Variants in DSCAML1 observed in about 807,000 individuals in gnomAD.
DSCAML1 encodes the protein DS cell adhesion molecule like 1.
In DSCAML1, 38 loss-of-function variants were observed where a neutral mutation model predicts 200.5. The ratio of observed to expected loss-of-function variants is 0.19; its 90% CI spans 0.15 to 0.25. DSCAML1 has a LOEUF of 0.25. Among genes scored for constraint, DSCAML1 ranks in the 10% least tolerant of loss-of-function variants. The probability of loss-of-function intolerance (pLI) is 1.00; values close to 1 mark genes in which losing one functional copy is unlikely to be tolerated. For missense variants in DSCAML1, 2,223 were observed against 2,858.8 expected, an observed-to-expected ratio of 0.78 and a Z score of 5.07; for synonymous variants, 1,215 against 1,165.0, an observed-to-expected ratio of 1.04 and a Z score of -0.87.
Position 117,779,160 on chromosome 11 carries a change from A to G in DSCAML1, c.364+1333T>C, listed in dbSNP as rs551170607. On this transcript the variant is annotated intron_variant, in intron 2 of 32. Transcript: ENST00000651296. ...TGGCCCAACACAGTCCCTGGAAAAGATGGTGTGACCTAGGCCTGGCACCAT... is the reference window on the plus strand; with the variant it reads ...TGGCCCAACACAGTCCCTGGAAAAGGTGGTGTGACCTAGGCCTGGCACCAT... 2.2e-4 allele frequency among the ~76,000 whole-genome samples: 34 copies of G among 152,294 alleles called. No homozygotes were observed. In the South Asian group the frequency reaches 6.6e-3, roughly 30 times the overall value.
chr11:117,666,870 C>T (rs193103365), intron 3 of DSCAML1, among the ~76,000 whole-genome samples: 102 of 152,306 alleles, frequency 6.7e-4, no homozygotes, highest in African/African-American at 2.4e-3. Context: ...GAGTGCCTAG[C>T]AGATGCGTGG....
chr11:117,609,147 C>T (rs1565823811), intron 3 of DSCAML1, among the ~76,000 whole-genome samples: 2 of 151,478 alleles, frequency 1.3e-5, no homozygotes, highest in African/African-American at 4.9e-5. Flanking sequence ...TGCAGTGAGC[C>T]GAGATCGTGC....
At chr11:117,610,338 T>C (rs940431172) in intron 3 of DSCAML1, among the ~76,000 whole-genome samples, 1 of 152,174 alleles carries the variant, frequency 6.6e-6, no homozygotes, top group Non-Finnish European at 1.5e-5. Context: ...ACTGCCCCAT[T>C]GCAACTCCAC....
At chr11:117,800,145 G>C (rs1204962461), upstream of DSCAML1, among the ~76,000 whole-genome samples, 1 of 152,178 alleles carries the variant, frequency 6.6e-6, no homozygotes, top group African/African-American at 2.4e-5. Context: ...AGTATCTAGG[G>C]AAATGTCTTT....
chr11:117,480,518 T>G lies in DSCAML1; in HGVS notation c.2710A>C (p.Asn904His). 1 of 1,599,926 alleles carries G rather than the reference T, an allele frequency of 6.3e-7. No homozygotes were observed. The highest frequency in any genetic ancestry group is 8.5e-7 in the Non-Finnish European group (1 of 1,173,036). ...EIREVKARSM[N>H]LRWTQRFDGN... ...TCGAATCGCTGGGTCCAGCGCAGGT[T>G]CATGCTCCGGGCCTTCACCTCCCGG... The change falls in exon 14 of 33, where the codon AAC becomes CAC. Residue 904 changes from asparagine to histidine, a missense_variant. By Grantham distance (68) the Asn-to-His change is moderately conservative (BLOSUM62 1). Around this residue, in one of 7 missense-constraint regions of DSCAML1, gnomAD observed 438 missense variants for 629.7 expected, o/e 0.70. Coordinates refer to ENST00000651296, the MANE Select transcript of DSCAML1 (RefSeq NM_020693.4). This position sits in a 1 kb window ranked among gnomAD's most constrained non-coding sequence, Gnocchi z 4.1.
At chr11:117,808,826 C>T (rs1284325007) in intron 1 of DSCAML1, among the ~76,000 whole-genome samples, 2 of 152,216 alleles carry the variant, frequency 1.3e-5, no homozygotes, top group Non-Finnish European at 2.9e-5. Flanking sequence ...ATCCCTCACC[C>T]ACTTTACATG....
At position 117,742,875 on chromosome 11, in the gene DSCAML1, C is replaced by G. The variant is rs575358955; in HGVS notation, c.511+33916G>C. Among the ~76,000 whole-genome samples, 5 of 152,254 alleles carry G rather than the reference C, an allele frequency of 3.3e-5. No homozygotes were observed. The South Asian group carries it at 1.0e-3, about 32-fold the overall frequency. On this transcript the variant is annotated intron_variant, in intron 3 of 32. Coordinates refer to ENST00000651296, the MANE Select transcript of DSCAML1 (RefSeq NM_020693.4). The stretch of plus-strand genomic sequence containing the variant: ...ATCCAGCCTTGACATACCCAGAGAC[C>G]TATGTCAGGAAATGGCGATTAACAT...
rs1565814636 is a variant in DSCAML1, at chr11:117,595,102, C to CACTTACA, written c.512-62581_512-62580insTGTAAGT. ...CACACACACACACCCTTTGATATTTCCTTAAGACACTTCTCTGAAGAGATG... is the reference window on the plus strand; with the variant it reads ...CACACACACACACCCTTTGATATTTCACTTACACTTAAGACACTTCTCTGAAGAGATG... On this transcript the variant is annotated intron_variant, in intron 3 of 32. Transcript: ENST00000651296. Among the ~76,000 whole-genome samples the CACTTACA allele has an allele frequency of 8.8e-5, 11 of 125,020 alleles. No individual in the cohort carries two copies. In the East Asian group the frequency reaches 2.3e-3, roughly 26 times the overall value. The allele number at this position is 125,020 out of a possible 152,430, so 82.0% of individuals were successfully genotyped here. A position where few individuals can be genotyped will look rare whatever the true frequency, so the allele number is the denominator to read the frequency against.
chr11:117,529,473 G>A (rs1592700695), intron 4 of DSCAML1, among the ~76,000 whole-genome samples: 1 of 152,244 alleles, frequency 6.6e-6, no homozygotes, highest in East Asian at 1.9e-4. Context: ...CTGAGGTTTG[G>A]AACATTATTT....
chr11:117,548,399 C>A (rs895833703), intron 3 of DSCAML1, among the ~76,000 whole-genome samples: 3 of 152,198 alleles, frequency 2.0e-5, no homozygotes, highest in Admixed American at 6.5e-5. Flanking sequence ...CATGGGGAGT[C>A]CTGCCAGCTC....
intron 3 of DSCAML1, among the ~76,000 whole-genome samples, chr11:117,658,266 G>A (rs143660310): frequency 6.6e-6 from 1 of 152,298 alleles, no homozygotes; most frequent in Non-Finnish European, 1.5e-5. Flanking sequence ...CAGAGGCACA[G>A]TATCAGATTA....
At chr11:117,477,913 C>G (rs1333672432) in intron 14 of DSCAML1, among the ~76,000 whole-genome samples, 1 of 152,174 alleles carries the variant, frequency 6.6e-6, no homozygotes, top group African/African-American at 2.4e-5. Context: ...TGCTCTGGGT[C>G]CTGTGACTTA....
At chr11:117,531,402 G>A (rs2050074125) in intron 4 of DSCAML1, among the ~76,000 whole-genome samples, 1 of 152,118 alleles carries the variant, frequency 6.6e-6, no homozygotes. Context: ...AAACAAATGA[G>A]GGAATCCCAG....
chr11:117,490,896 C>T (rs749941652), intron 11 of DSCAML1, among the ~76,000 whole-genome samples: 4 of 152,274 alleles, frequency 2.6e-5, no homozygotes, highest in Middle Eastern at 3.4e-3. Flanking sequence ...CTAGCAGGGC[C>T]AGGAGGCCAG....
chr11:117,814,669 T>A (rs888029125), intron 1 of DSCAML1, among the ~76,000 whole-genome samples: 1 of 152,210 alleles, frequency 6.6e-6, no homozygotes, highest in African/African-American at 2.4e-5. Flanking sequence ...CTCATGTAGC[T>A]TATAAGCAGT....
chr11:117,580,817 C>T (rs146457098), intron 3 of DSCAML1, among the ~76,000 whole-genome samples: 1 of 152,182 alleles, frequency 6.6e-6, no homozygotes, highest in Non-Finnish European at 1.5e-5. Context: ...TGAAAAGCAC[C>T]TAGCTAAGTG....
At chr11:117,462,762 G>A (rs1463062489) in intron 17 of DSCAML1, among the ~76,000 whole-genome samples, 1 of 152,192 alleles carries the variant, frequency 6.6e-6, no homozygotes, top group Non-Finnish European at 1.5e-5. Context: ...CTAAAGCAGG[G>A]GCCCTTGAAT....
intron 3 of DSCAML1, among the ~76,000 whole-genome samples, chr11:117,670,058 G>C (rs1313471267): frequency 6.6e-6 from 1 of 152,224 alleles, no homozygotes; most frequent in African/African-American, 2.4e-5. Flanking sequence ...TTTAAGTAAG[G>C]AAAGGAAAGA....
chr11:117,527,078 A>G (rs147516931), intron 4 of DSCAML1, among the ~76,000 whole-genome samples: 121 of 152,298 alleles, frequency 7.9e-4, no homozygotes, highest in Non-Finnish European at 1.4e-3. Context: ...TGGGAGGATC[A>G]ATTGAGCCAG....
Sources: gnomAD v4.1 joint callset for allele counts (sites outside exome capture counted in the v4.1 genomes callset) on GRCh38, gnomAD v4.1.1 for gene constraint, gnomAD v4.1.1 regional missense constraint, Gnocchi (gnomAD v3.1) non-coding constraint, MANE v1.5 for transcripts, NCBI Gene and HGNC (gene_info 2026-07-23, HGNC 2026-07-21) for gene names.